CAPRIN1: variants seen among roughly 807,000 people sequenced by gnomAD.
The protein encoded by CAPRIN1 is caprin-1.
A neutral mutation model predicts 100.9 loss-of-function variants in CAPRIN1; 29 were observed. The ratio of observed to expected loss-of-function variants is 0.29; its 90% CI spans 0.21 to 0.39. The LOEUF (loss-of-function observed/expected upper bound fraction) is 0.39, where lower values mean the gene tolerates loss of function less well. Ranked by LOEUF, CAPRIN1 falls within the 10% of genes least tolerant of loss-of-function variation. The probability of loss-of-function intolerance (pLI) is 1.00; values close to 1 mark genes in which losing one functional copy is unlikely to be tolerated. For missense variants in CAPRIN1, 795 were observed against 876.7 expected (o/e 0.91, Z 1.18); for synonymous variants, 338 against 307.5 (o/e 1.10, Z -1.04).
In CAPRIN1 at chr11:34,087,568, C is replaced by T. The variant is rs530766536; in HGVS notation, c.1231+1155C>T. Among the ~76,000 whole-genome samples the T allele has an allele frequency of 3.7e-4, 46 of 122,684 alleles. 2 individuals are homozygous for T. Among genetic ancestry groups the T allele is most frequent in the South Asian group, 9.6e-4 (4 of 4,176 alleles). 80.5% of individuals were successfully genotyped at this position (122,684 alleles called of 152,430 possible). A position where few individuals can be genotyped will look rare whatever the true frequency, so the allele number is the denominator to read the frequency against. ...CGGGATGGTCTCGATCTCCTGACCT[C>T]GTGATCCGCCCGCCTCGGCCTCCCA... On this transcript the variant is annotated intron_variant, in intron 11 of 18. Transcript: ENST00000341394.
chr11:34,055,916 C>T (rs1439899470), intron 2 of CAPRIN1: 8 of 152,120 alleles, frequency 5.3e-5, no homozygotes, highest in Non-Finnish European at 1.2e-4. Context: ...ATATCTTTTG[C>T]CCTTTGAAAA....
At chr11:34,085,432 A>G (rs1851119412) in intron 9 of CAPRIN1, among the ~76,000 whole-genome samples, 1 of 150,788 alleles carries the variant, frequency 6.6e-6, no homozygotes, top group East Asian at 1.9e-4. Flanking sequence ...CAGTTACTAT[A>G]GAAGGCATAA....
intron 2 of CAPRIN1, among the ~76,000 whole-genome samples, chr11:34,056,997 G>C (rs1418397868): frequency 6.6e-6 from 1 of 152,158 alleles, no homozygotes; most frequent in Non-Finnish European, 1.5e-5. Flanking sequence ...GTTGTTGTGA[G>C]GGTAACATTT....
chr11:34,070,153 G>C (rs1173673873), intron 2 of CAPRIN1, among the ~76,000 whole-genome samples: 1 of 152,064 alleles, frequency 6.6e-6, no homozygotes. Context: ...TTGTGACTCT[G>C]TTGCATTACC....
rs767054769 is a variant in CAPRIN1 at position 34,086,334 on chromosome 11, A to G, written c.1152A>G (p.Thr384=). 1.2e-6 allele frequency: 2 copies of G among 1,613,860 alleles called. No individual in the cohort carries two copies. Among genetic ancestry groups the G allele is most frequent in the Non-Finnish European group, 1.7e-6 (2 of 1,179,876 alleles). ...CAATGCTGGATTTTGAAAATCAGAC[A>G]CTTGATCCTGCCATTGTATCTGCAC... is the stretch of plus-strand genomic sequence containing the variant. ...QDSMLDFENQ[T]LDPAIVSAQP... Residue 384 remains threonine, a synonymous_variant, in exon 11 of 19, where the codon ACA becomes ACG. Coordinates refer to ENST00000341394, the MANE Select transcript of CAPRIN1 (RefSeq NM_005898.5).
At chr11:34,064,768 C>T (rs1003626449) in intron 2 of CAPRIN1, among the ~76,000 whole-genome samples, 1 of 152,118 alleles carries the variant, frequency 6.6e-6, no homozygotes, top group African/African-American at 2.4e-5. Flanking sequence ...ACCTCTCCTT[C>T]TCAAAGGTGG....
At chr11:34,067,447 A>G (rs1262014242) in intron 2 of CAPRIN1, among the ~76,000 whole-genome samples, 1 of 152,188 alleles carries the variant, frequency 6.6e-6, no homozygotes, top group East Asian at 1.9e-4. Context: ...TAGTAATACT[A>G]AATCAGAATA....
intron 18 of CAPRIN1, chr11:34,098,908 T>TA: frequency 1.2e-5 from 12 of 1,011,044 alleles, no homozygotes; most frequent in Non-Finnish European, 1.4e-5. Flanking sequence ...TGATGTTACT[T>TA]ACTACTGAAA....
rs201600650 is a variant in CAPRIN1, at chr11:34,096,453, A to G, written c.1706-26A>G. On this transcript the variant is annotated intron_variant, in intron 15 of 18. Coordinates refer to ENST00000341394, the MANE Select transcript of CAPRIN1 (RefSeq NM_005898.5). ...AAACGGTAATGAGCTGTTTATGTAT[A>G]TATCTTTTTCTTTTTTAAATTATAG... 62 of 1,571,796 alleles carry G rather than the reference A, an allele frequency of 3.9e-5. No homozygotes were observed. In the East Asian group the frequency reaches 1.1e-3, roughly 27 times the overall value.
chr11:34,093,869 C>T (rs375325028), intron 15 of CAPRIN1, among the ~76,000 whole-genome samples: 7 of 151,886 alleles, frequency 4.6e-5, no homozygotes, highest in South Asian at 2.1e-4. Flanking sequence ...CAGTCACATA[C>T]GCAGCAAGTT....
chr11:34,056,376 TAAAG>T (rs1850451582), intron 2 of CAPRIN1: 1 of 152,216 alleles, frequency 6.6e-6, no homozygotes, highest in Admixed American at 6.5e-5. Flanking sequence ...TTTGAGCCAT[TAAAG>T]AAAAAGCTAA....
rs1408378070 is a variant in CAPRIN1 at position 34,100,791 on chromosome 11, T to G, written c.*1424T>G. ...TTATGTACTCTGTTGGAATTTGTGC[T>G]AGCAGTTTGAGCACTAGTTCTGTGT... On this transcript the variant is annotated 3_prime_UTR_variant, in exon 19 of 19. Coordinates refer to ENST00000341394, the MANE Select transcript of CAPRIN1 (RefSeq NM_005898.5). 6.6e-6 allele frequency: 1 copy of G among 152,664 alleles called. No homozygotes were observed. The highest frequency in any genetic ancestry group is 1.5e-5 in the Non-Finnish European group (1 of 68,040). The allele number at this position is 152,664 out of a possible 1,614,324, so 9.5% of individuals were successfully genotyped here.
chr11:34,077,284 CT>C (rs1258823948), intron 6 of CAPRIN1, among the ~76,000 whole-genome samples: 1 of 152,166 alleles, frequency 6.6e-6, no homozygotes, highest in African/African-American at 2.4e-5. Flanking sequence ...CTTTCCACAG[CT>C]TTTGGTAATA....
At chr11:34,079,827 A>G in intron 7 of CAPRIN1, 62 bp downstream of exon 7, 1 of 1,497,070 alleles carries the variant, frequency 6.7e-7, no homozygotes, top group Non-Finnish European at 9.1e-7. Flanking sequence ...TTTTGCTACA[A>G]ATTTAAACTA....
In CAPRIN1 at chr11:34,080,189, C is replaced by T. The variant is rs549600149; in HGVS notation, c.826+424C>T. On this transcript the variant is annotated intron_variant, in intron 7 of 18. Coordinates refer to ENST00000341394, the MANE Select transcript of CAPRIN1 (RefSeq NM_005898.5). ...CCACCCGCCTCGGCCTCCCAAAGTG[C>T]TGAGATTACAGGCGTGAGCCACTGC... Among the ~76,000 whole-genome samples, 161 of 152,286 alleles carry T rather than the reference C, an allele frequency of 1.1e-3. 1 individual carries two copies. The highest frequency in any genetic ancestry group is 3.8e-3 in the African/African-American group (156 of 41,570).
At chr11:34,072,960 T>C (rs1352786499) in intron 4 of CAPRIN1, among the ~76,000 whole-genome samples, 1 of 152,212 alleles carries the variant, frequency 6.6e-6, no homozygotes, top group African/African-American at 2.4e-5. Context: ...ATTTGTAGTC[T>C]AGGAGCTAAT....
chr11:34,091,608 T>G, intron 14 of CAPRIN1: 1 of 191,372 alleles, frequency 5.2e-6, no homozygotes, highest in Non-Finnish European at 1.1e-5. Flanking sequence ...TTTAAAAAGA[T>G]TTCTCATATA....
At chr11:34,063,040 A>G (rs1387496402) in intron 2 of CAPRIN1, 1 of 152,150 alleles carries the variant, frequency 6.6e-6, no homozygotes, top group East Asian at 1.9e-4. Flanking sequence ...TTTGTTGGCT[A>G]TAACAATAAA....
rs564536109 is a variant in CAPRIN1 at position 34,052,355 on chromosome 11, C to T, written c.1-66C>T. 8.1e-5 allele frequency: 105 copies of T among 1,304,166 alleles called. No homozygotes were observed. In the African/African-American group the frequency reaches 1.2e-3, roughly 15 times the overall value. The allele number at this position is 1,304,166 out of a possible 1,614,324, so 80.8% of individuals were successfully genotyped here. A position where few individuals can be genotyped will look rare whatever the true frequency, so the allele number is the denominator to read the frequency against. On this transcript the variant is annotated intron_variant, in intron 1 of 18. Transcript: ENST00000341394. ...CGTTTTGTCCCGCGTCTCGCCCCGT[C>T]CGTCTCCTGACTGGCCGCTCTTGTC...
Sources: gnomAD v4.1 joint callset for allele counts (sites outside exome capture counted in the v4.1 genomes callset) on GRCh38, gnomAD v4.1.1 for gene constraint, MANE v1.5 for transcripts, NCBI Gene and HGNC (gene_info 2026-07-23, HGNC 2026-07-21) for gene names.